The following FER variants were observed in gnomAD, a reference collection of about 807,000 sequenced individuals.
FER encodes FER tyrosine kinase.
Under a neutral mutation model 111.0 loss-of-function variants are expected in FER, and 63 were observed. That is an observed-to-expected ratio of 0.57 (90% CI 0.46 to 0.70). FER has a LOEUF of 0.70. Ranked by LOEUF, FER falls within the 30% of genes least tolerant of loss-of-function variation. The pLI, the probability that FER is intolerant of heterozygous loss-of-function variation, is 0.00. For missense variants in FER, 914 were observed against 954.0 expected (o/e 0.96, Z 0.55); for synonymous variants, 327 against 313.9 (o/e 1.04, Z -0.44).
intron 10 of FER, among the ~76,000 whole-genome samples, chr5:108,932,874 G>A (rs12523220): frequency 0.14 from 20,972 of 147,670 alleles, 2,116 homozygotes; most frequent in Non-Finnish European, 0.21. Context: ...TTTTTTTGAT[G>A]GGGTTGTTTG....
At chr5:109,087,732 C>T (rs1269922230) in intron 16 of FER, among the ~76,000 whole-genome samples, 9 of 151,244 alleles carry the variant, frequency 6.0e-5, no homozygotes, top group African/African-American at 1.7e-4. Flanking sequence ...CTTATTTTGC[C>T]TCAATGTATG....
At chr5:109,007,203 A>G (rs1237418467) in intron 13 of FER, among the ~76,000 whole-genome samples, 2 of 152,222 alleles carry the variant, frequency 1.3e-5, no homozygotes, top group Non-Finnish European at 2.9e-5. Context: ...AGGTATTAAC[A>G]TTATATCAGT....
intron 16 of FER, among the ~76,000 whole-genome samples, chr5:109,092,689 A>G (rs1463372249): frequency 6.6e-6 from 1 of 152,196 alleles, no homozygotes; most frequent in Admixed American, 6.5e-5. Flanking sequence ...TGTGATGGCA[A>G]ACAGTATGGA....
At chr5:108,986,239 T>C (rs1054995558) in intron 13 of FER, among the ~76,000 whole-genome samples, 1 of 152,150 alleles carries the variant, frequency 6.6e-6, no homozygotes, top group African/African-American at 2.4e-5. Context: ...ATATCTTCTG[T>C]TGAGAATTGT....
chr5:109,019,819 A>G (rs1261752202), intron 13 of FER, among the ~76,000 whole-genome samples: 1 of 151,832 alleles, frequency 6.6e-6, no homozygotes, highest in African/African-American at 2.4e-5. Context: ...CTATTTCTTT[A>G]TATGTCTGTA....
intron 9 of FER, among the ~76,000 whole-genome samples, chr5:108,889,002 A>G (rs1339478799): frequency 6.6e-6 from 1 of 151,920 alleles, no homozygotes; most frequent in Non-Finnish European, 1.5e-5. Flanking sequence ...GATTGCCAGC[A>G]TGGTACAATA....
chr5:108,995,341 C>T (rs557550738), intron 13 of FER, among the ~76,000 whole-genome samples: 15 of 151,996 alleles, frequency 9.9e-5, no homozygotes, highest in East Asian at 3.9e-4. Context: ...TAGGTATACA[C>T]GTGTCATGGT....
At chr5:109,071,205 C>T (rs1009577410) in intron 16 of FER, among the ~76,000 whole-genome samples, 2 of 152,044 alleles carry the variant, frequency 1.3e-5, no homozygotes, top group Non-Finnish European at 2.9e-5. Context: ...CATATCTCCT[C>T]AGTATCCTCT....
At chr5:109,061,965 G>A (rs2416197) in intron 16 of FER, among the ~76,000 whole-genome samples, 24,970 of 151,992 alleles carry the variant, frequency 0.16, 2,109 homozygotes, top group South Asian at 0.21. Flanking sequence ...CAAGTTTAGA[G>A]TGAGTAGTCC....
chr5:109,136,887 G>A (rs1752951106), intron 17 of FER, among the ~76,000 whole-genome samples: 1 of 152,116 alleles, frequency 6.6e-6, no homozygotes, highest in African/African-American at 2.4e-5. Flanking sequence ...TCCCAACTCT[G>A]TGATAATTAC....
At chr5:108,859,331 T>C (rs1158504833) in intron 5 of FER, among the ~76,000 whole-genome samples, 1 of 152,162 alleles carries the variant, frequency 6.6e-6, no homozygotes, top group Non-Finnish European at 1.5e-5. Flanking sequence ...CTGCTGTTTC[T>C]TCTCTTCACC....
At chr5:108,969,161 G>C (rs1294106402) in intron 13 of FER, among the ~76,000 whole-genome samples, 1 of 152,096 alleles carries the variant, frequency 6.6e-6, no homozygotes, top group Non-Finnish European at 1.5e-5. Flanking sequence ...ATATATCTTT[G>C]ATTCAGCAAT....
chr5:109,019,978 A>G (rs1219997375), intron 13 of FER, among the ~76,000 whole-genome samples: 1 of 151,874 alleles, frequency 6.6e-6, no homozygotes, highest in East Asian at 1.9e-4. Flanking sequence ...TTCTTTTAGA[A>G]TTTACTTCAA....
At chr5:109,033,894 A>G (rs1037359603) in intron 13 of FER, among the ~76,000 whole-genome samples, 1 of 152,172 alleles carries the variant, frequency 6.6e-6, no homozygotes, top group African/African-American at 2.4e-5. Context: ...GTATGAGTAC[A>G]ATGTGATGTT....
intron 17 of FER, among the ~76,000 whole-genome samples, chr5:109,100,833 CAGATA>C (rs1748137702): frequency 6.6e-6 from 1 of 151,224 alleles, no homozygotes; most frequent in African/African-American, 2.4e-5. Context: ...GCCTTATAAT[CAGATA>C]AGATTGTTTC....
chr5:109,093,310 T>C (rs1002777723), intron 16 of FER, among the ~76,000 whole-genome samples: 12 of 152,332 alleles, frequency 7.9e-5, no homozygotes, highest in African/African-American at 2.9e-4. Flanking sequence ...TTATTCAGAC[T>C]TGTTTTAATA....
At chr5:108,863,817 T>G (rs1763765801) in intron 5 of FER, among the ~76,000 whole-genome samples, 1 of 152,228 alleles carries the variant, frequency 6.6e-6, no homozygotes, top group Non-Finnish European at 1.5e-5. Flanking sequence ...AACACATATT[T>G]GATTATTTAC....
chr5:109,141,152 A>G (rs149648469), intron 17 of FER, among the ~76,000 whole-genome samples: 3 of 152,310 alleles, frequency 2.0e-5, no homozygotes, highest in Non-Finnish European at 4.4e-5. Flanking sequence ...TAAGAACTCT[A>G]CAGAATACTA....
chr5:108,794,298 A>G (rs1037941568), intron 2 of FER, among the ~76,000 whole-genome samples: 1 of 151,248 alleles, frequency 6.6e-6, no homozygotes, highest in African/African-American at 2.4e-5. Flanking sequence ...GCTCACTGCA[A>G]TCTCCGCCTC....
Sources: allele counts gnomAD v4.1 joint callset (sites outside exome capture counted in the v4.1 genomes callset), GRCh38; gene constraint gnomAD v4.1.1; transcripts MANE v1.5; gene names NCBI Gene and HGNC (gene_info 2026-07-23, HGNC 2026-07-21).